PTPRA: variants seen among roughly 807,000 people sequenced by gnomAD.
PTPRA encodes receptor-type tyrosine-protein phosphatase alpha.
In PTPRA, 25 loss-of-function variants were observed where a neutral mutation model predicts 104.8. That is an observed-to-expected ratio of 0.24 (90% CI 0.17 to 0.33). PTPRA has a LOEUF of 0.33. Among genes scored for constraint, PTPRA ranks in the 10% least tolerant of loss-of-function variants. PTPRA has a pLI of 1.00. For synonymous variants in PTPRA, 323 were observed against 368.9 expected (o/e 0.88, Z 1.43); for missense variants, 765 against 1,015.3 (o/e 0.75, Z 3.35).
intron 1 of PTPRA, among the ~76,000 whole-genome samples, chr20:2,895,420 G>A (rs1337713783): frequency 1.3e-5 from 2 of 152,010 alleles, no homozygotes; most frequent in Admixed American, 6.6e-5. Flanking sequence ...GAAATATCAC[G>A]TAATTGCTGA....
intron 1 of PTPRA, among the ~76,000 whole-genome samples, chr20:2,893,910 T>A (rs1258382849): frequency 6.6e-6 from 1 of 152,056 alleles, no homozygotes; most frequent in Non-Finnish European, 1.5e-5. Flanking sequence ...AATTAATATT[T>A]ATACCAGATA....
rs1214321468 is a variant in PTPRA at position 3,022,720 on chromosome 20, G to A, written c.1360G>A (p.Val454Ile). 4 of 1,614,046 alleles carry A rather than the reference G, an allele frequency of 2.5e-6. No individual in the cohort carries two copies. Among genetic ancestry groups the A allele is most frequent in the African/African-American group, 1.3e-5 (1 of 74,914 alleles). Reference protein sequence around the residue: ...AGVGRTGTFVVIDAMLDMMHT... With the variant: ...AGVGRTGTFVIIDAMLDMMHT... The stretch of plus-strand genomic sequence containing the variant: ...TGTAGGGCGTACAGGTACCTTTGTC[G>A]TCATTGATGCCATGCTGGACATGAT... The change falls in exon 16 of 24, where the codon GTC becomes ATC. Residue 454 changes from valine (V) to isoleucine (I), a missense_variant. Transcript: ENST00000399903. This position sits in a 1 kb window ranked among gnomAD's most constrained non-coding sequence, Gnocchi z 4.6.
chr20:2,867,138 A>T, the PTPRA span, among the ~76,000 whole-genome samples: 1 of 152,232 alleles, frequency 6.6e-6, no homozygotes, highest in South Asian at 2.1e-4. Context: ...AATAACAAAT[A>T]TGTGGCAAAA....
At chr20:2,982,817 C>T (rs1568681537) in intron 6 of PTPRA, among the ~76,000 whole-genome samples, 1 of 152,044 alleles carries the variant, frequency 6.6e-6, no homozygotes, top group Non-Finnish European at 1.5e-5. Flanking sequence ...CTGCCTCAGC[C>T]TCCTAAGTAG....
chr20:3,026,340 G>A (rs1020348506), intron 17 of PTPRA, among the ~76,000 whole-genome samples: 8 of 152,312 alleles, frequency 5.3e-5, no homozygotes, highest in African/African-American at 1.9e-4. Context: ...AAGGGAGGAT[G>A]CAATTCTGAA....
chr20:2,988,259 G>A (rs2062990700), intron 8 of PTPRA, 79 bp from the exon 9 acceptor site: 5 of 1,553,572 alleles, frequency 3.2e-6, no homozygotes, highest in Non-Finnish European at 4.3e-6. Context: ...TGGTCCATGA[G>A]GTAGAACCCC....
chr20:2,953,086 G>A (rs1026538804), intron 3 of PTPRA, among the ~76,000 whole-genome samples: 1 of 152,024 alleles, frequency 6.6e-6, no homozygotes, highest in South Asian at 2.1e-4. Context: ...GAATTGCTGG[G>A]TCATATGTTA....
chr20:2,913,016 GTC>G (rs1009233074), intron 1 of PTPRA, among the ~76,000 whole-genome samples: 1 of 152,092 alleles, frequency 6.6e-6, no homozygotes, highest in Non-Finnish European at 1.5e-5. Context: ...TAGTTACAGA[GTC>G]TTTTCGCTCC....
chr20:2,909,897 AAT>A (rs1248754922), intron 1 of PTPRA, among the ~76,000 whole-genome samples: 1 of 130,548 alleles, frequency 7.7e-6, no homozygotes, highest in Non-Finnish European at 1.5e-5. Context: ...TATAATATAT[AAT>A]ATATGACATA....
chr20:2,885,052 C>T (rs576869831), intron 1 of PTPRA, among the ~76,000 whole-genome samples: 51 of 152,226 alleles, frequency 3.4e-4, no homozygotes, highest in Non-Finnish European at 5.4e-4. Context: ...CCGCCCGCCT[C>T]GGCCTCCCAA....
At chr20:2,971,700 TGTTCAGGATTTAATGAGC>T (rs1407857949) in intron 5 of PTPRA, among the ~76,000 whole-genome samples, 1 of 152,204 alleles carries the variant, frequency 6.6e-6, no homozygotes, top group Non-Finnish European at 1.5e-5. Flanking sequence ...TATTTTATTG[TGTTCAGGATTTAATGAGC>T]GTTTATGTTA....
In PTPRA at chr20:3,022,248, C is replaced by T. The variant is rs767735778; in HGVS notation, c.1328+28C>T. The T allele has an allele frequency of 1.9e-6, 3 of 1,610,650 alleles. No homozygotes were observed. The highest frequency in any genetic ancestry group is 2.2e-5 in the East Asian group (1 of 44,840). ...CAGTGTGGCCTGACCCTTGTACCCCCACCCCCACATTTCGCCCCCATGGCC... is the reference window on the plus strand; with the variant it reads ...CAGTGTGGCCTGACCCTTGTACCCCTACCCCCACATTTCGCCCCCATGGCC... On this transcript the variant is annotated intron_variant, in intron 15 of 23. Coordinates refer to ENST00000399903, the MANE Select transcript of PTPRA (RefSeq NM_001385305.1). The surrounding 1 kb of genome is among the most constrained non-coding windows in gnomAD (Gnocchi z 4.6).
In PTPRA at chr20:2,908,417, T is replaced by C. The variant is rs563308152; in HGVS notation, c.-128-14790T>C. 3.3e-5 allele frequency among the ~76,000 whole-genome samples: 5 copies of C among 152,320 alleles called. No individual in the cohort carries two copies. In the South Asian group the frequency reaches 1.0e-3, roughly 32 times the overall value. The stretch of plus-strand genomic sequence containing the variant: ...TACGTTATTTGAGGAAACCCCCAGA[T>C]ACAGAACAGTGAAATTTTTGTATCC... On this transcript the variant is annotated intron_variant, in intron 1 of 23. Transcript: ENST00000399903.
chr20:3,024,718 C>T (rs1433502148), intron 17 of PTPRA, 97 bp downstream of exon 17: 15 of 1,427,420 alleles, frequency 1.1e-5, no homozygotes, highest in Non-Finnish European at 1.5e-5. Context: ...AGTAAATCCC[C>T]TTGTGAGGCA....
chr20:2,878,193 G>A (rs373858118), intron 1 of PTPRA, among the ~76,000 whole-genome samples: 116 of 135,896 alleles, frequency 8.5e-4, no homozygotes, highest in Middle Eastern at 3.5e-3. Flanking sequence ...TCCATGCATC[G>A]ACAGCTGTAG....
Position 3,037,881 on chromosome 20 carries a change from G to T in PTPRA, c.2335-178G>T, listed in dbSNP as rs1017141142. On this transcript the variant is annotated intron_variant, in intron 23 of 23. Coordinates refer to ENST00000399903, the MANE Select transcript of PTPRA (RefSeq NM_001385305.1). The surrounding 1 kb of genome is among the most constrained non-coding windows in gnomAD (Gnocchi z 4.3). ...GCTTGTAGAAGGTCTGCTGCATTCA[G>T]CCCGGAAGGGGAATGCTGTCAGAAC... Among the ~76,000 whole-genome samples the T allele has an allele frequency of 5.3e-5, 8 of 152,238 alleles. No individual in the cohort carries two copies. The highest frequency in any genetic ancestry group is 1.9e-4 in the African/African-American group (8 of 41,466).
intron 4 of PTPRA, 129 bp from the exon 5 acceptor site, chr20:2,964,732 T>C: frequency 1.3e-6 from 1 of 787,646 alleles, no homozygotes; most frequent in Middle Eastern, 3.7e-4. Context: ...GTGGGTGGTG[T>C]TGAGGGGGAT....
At chr20:2,932,982 T>G (rs2060562121) in intron 2 of PTPRA, among the ~76,000 whole-genome samples, 1 of 152,212 alleles carries the variant, frequency 6.6e-6, no homozygotes, top group Non-Finnish European at 1.5e-5. Context: ...AAAGCTACTA[T>G]CCTGAGGTTT....
intron 1 of PTPRA, among the ~76,000 whole-genome samples, chr20:2,880,954 G>A (rs1398571311): frequency 2.6e-5 from 4 of 151,886 alleles, no homozygotes; most frequent in Non-Finnish European, 4.4e-5. Flanking sequence ...GCTGCATTGA[G>A]CCATGATTGC....
Sources: gnomAD v4.1 joint callset for allele counts (sites outside exome capture counted in the v4.1 genomes callset) on GRCh38, gnomAD v4.1.1 for gene constraint, Gnocchi (gnomAD v3.1) non-coding constraint, MANE v1.5 for transcripts, NCBI Gene and HGNC (gene_info 2026-07-23, HGNC 2026-07-21) for gene names.